CSMD3: variants seen among roughly 807,000 people sequenced by gnomAD.
The protein encoded by CSMD3 is CUB and Sushi multiple domains 3.
In CSMD3, 177 loss-of-function variants were observed where a neutral mutation model predicts 435.2. The ratio of observed to expected loss-of-function variants is 0.41; its 90% confidence interval spans 0.36 to 0.46. The LOEUF (loss-of-function observed/expected upper bound fraction) is 0.46. Among genes scored for constraint, CSMD3 ranks in the 20% least tolerant of loss-of-function variants. The pLI is 0.34. For synonymous variants in CSMD3, 1,656 were observed against 1,520.5 expected (o/e 1.09, Z -2.07); for missense variants, 4,265 against 4,504.6 (o/e 0.95, Z 1.52).
At chr8:113,024,300 GTGTGTGTGTGTGTGTGTGTT>G (rs1164847216) in intron 5 of CSMD3, among the ~76,000 whole-genome samples, 9 of 2,054 alleles carry the variant, frequency 4.4e-3, no homozygotes, top group Non-Finnish European at 6.6e-3. Flanking sequence ...GTGTGTGTGT[GTGTGTGTGTGTGTGTGTGTT>G]TGTGTGTGTG....
intron 5 of CSMD3, among the ~76,000 whole-genome samples, chr8:113,023,396 G>GTCTC (rs150095576): frequency 2.6e-5 from 4 of 150,988 alleles, no homozygotes; most frequent in African/African-American, 9.7e-5. Flanking sequence ...AATTTTACTT[G>GTCTC]TCTCTCTCTC....
At chr8:113,254,771 T>A (rs1474746243) in intron 3 of CSMD3, among the ~76,000 whole-genome samples, 1 of 152,156 alleles carries the variant, frequency 6.6e-6, no homozygotes, top group Non-Finnish European at 1.5e-5. Flanking sequence ...TGTTGGAAAT[T>A]CTGGAAATTC....
chr8:112,830,701 T>G (rs1212856456), intron 11 of CSMD3, among the ~76,000 whole-genome samples: 1 of 151,896 alleles, frequency 6.6e-6, no homozygotes, highest in Non-Finnish European at 1.5e-5. Context: ...TTTAGTAATA[T>G]TTATAACTAT....
chr8:112,688,092 G>A (rs1277460382), intron 14 of CSMD3, among the ~76,000 whole-genome samples: 1 of 152,054 alleles, frequency 6.6e-6, no homozygotes, highest in Non-Finnish European at 1.5e-5. Flanking sequence ...AGGCAGCCAT[G>A]CACAATCAGT....
chr8:112,549,495 T>A (rs189800241), intron 27 of CSMD3, among the ~76,000 whole-genome samples: 35 of 152,152 alleles, frequency 2.3e-4, no homozygotes, highest in East Asian at 1.9e-3. Flanking sequence ...GGAGAATAAT[T>A]GTGTTCCATA....
At chr8:112,673,688 A>C (rs1241110946) in intron 16 of CSMD3, among the ~76,000 whole-genome samples, 2 of 152,100 alleles carry the variant, frequency 1.3e-5, no homozygotes, top group East Asian at 3.9e-4. Context: ...ATTGAGATTC[A>C]AGAGAGAACC....
intron 23 of CSMD3, among the ~76,000 whole-genome samples, chr8:112,583,050 G>A (rs1018511749): frequency 4.6e-5 from 7 of 151,952 alleles, no homozygotes; most frequent in African/African-American, 1.4e-4. Flanking sequence ...TGGAAATAGG[G>A]TGATCAGTTA....
intron 9 of CSMD3, among the ~76,000 whole-genome samples, chr8:112,934,903 T>G (rs2083231817): frequency 6.6e-6 from 1 of 152,144 alleles, no homozygotes. Context: ...GTGCAAAAGT[T>G]TTTATCTTGT....
chr8:113,091,188 G>C (rs1180459674), intron 5 of CSMD3, among the ~76,000 whole-genome samples: 3 of 152,128 alleles, frequency 2.0e-5, no homozygotes, highest in Non-Finnish European at 4.4e-5. Context: ...GAGTAAGCAA[G>C]AGGAACTTTG....
At chr8:113,420,731 T>C (rs1384879201) in intron 1 of CSMD3, among the ~76,000 whole-genome samples, 1 of 152,024 alleles carries the variant, frequency 6.6e-6, no homozygotes, top group African/African-American at 2.4e-5. Flanking sequence ...ATGGATCACC[T>C]GAGGTCAGGA....
chr8:112,912,573 T>TA (rs1403576087), intron 10 of CSMD3, among the ~76,000 whole-genome samples: 1 of 151,944 alleles, frequency 6.6e-6, no homozygotes, highest in East Asian at 1.9e-4. Context: ...TCAAATGGAT[T>TA]AAATAGTTAA....
At chr8:112,796,979 A>G (rs982521803) in intron 13 of CSMD3, among the ~76,000 whole-genome samples, 2 of 152,030 alleles carry the variant, frequency 1.3e-5, no homozygotes, top group African/African-American at 4.8e-5. Flanking sequence ...CTAGTTGAAT[A>G]AAAATTAACT....
At position 113,057,433 on chromosome 8, in the gene CSMD3, T is replaced by C. The variant is rs1029390347; in HGVS notation, c.918-38254A>G. 2.0e-5 allele frequency among the ~76,000 whole-genome samples: 3 copies of C among 151,662 alleles called. No individual in the cohort carries two copies. In the East Asian group the frequency reaches 5.8e-4, roughly 29 times the overall value. ...GAAAAGAAAATTTAACTCTTCTTTT[T>C]CAGTCAAAAGAATGTATCTCTATCA... is the stretch of plus-strand genomic sequence containing the variant. On this transcript the variant is annotated intron_variant, in intron 5 of 70. Transcript: ENST00000297405.
At chr8:113,398,994 T>C (rs1588662069) in intron 1 of CSMD3, among the ~76,000 whole-genome samples, 1 of 150,266 alleles carries the variant, frequency 6.7e-6, no homozygotes, top group East Asian at 2.0e-4. Flanking sequence ...CATATTCCTC[T>C]TTGTTGCAGG....
At chr8:112,379,730 A>G (rs1331644901) in intron 38 of CSMD3, among the ~76,000 whole-genome samples, 1 of 152,204 alleles carries the variant, frequency 6.6e-6, no homozygotes, top group Admixed American at 6.5e-5. Flanking sequence ...TGGAGCAAGA[A>G]GAACAAAACT....
chr8:113,118,456 C>T (rs1470860862), intron 4 of CSMD3, among the ~76,000 whole-genome samples: 3 of 152,084 alleles, frequency 2.0e-5, no homozygotes, highest in Non-Finnish European at 4.4e-5. Context: ...AATAGTGTGA[C>T]CTAAATCAAT....
At chr8:113,149,411 TA>T (rs1564367389) in intron 4 of CSMD3, among the ~76,000 whole-genome samples, 1 of 151,776 alleles carries the variant, frequency 6.6e-6, no homozygotes, top group African/African-American at 2.4e-5. Flanking sequence ...TTTCTACTTA[TA>T]AAATTGCACT....
At chr8:112,683,515 C>T (rs951281924) in intron 15 of CSMD3, among the ~76,000 whole-genome samples, 11 of 151,942 alleles carry the variant, frequency 7.2e-5, no homozygotes, top group African/African-American at 2.4e-4. Flanking sequence ...AGCCAAGTTA[C>T]AGCAAATAGC....
chr8:113,131,542 C>T (rs2091283739), intron 4 of CSMD3, among the ~76,000 whole-genome samples: 1 of 152,016 alleles, frequency 6.6e-6, no homozygotes, highest in Non-Finnish European at 1.5e-5. Context: ...GGAACCTCTG[C>T]CCAGATTTCA....
Sources: allele counts gnomAD v4.1 joint callset (sites outside exome capture counted in the v4.1 genomes callset), GRCh38; gene constraint gnomAD v4.1.1; transcripts MANE v1.5; gene names NCBI Gene and HGNC (gene_info 2026-07-23, HGNC 2026-07-21).